The following RASEF variants were observed in gnomAD, a reference collection of about 807,000 sequenced individuals.
RASEF encodes the protein ras and EF-hand domain-containing protein.
A neutral mutation model predicts 90.1 loss-of-function variants in RASEF; 68 were observed. That is an observed-to-expected ratio of 0.75 (90% CI 0.62 to 0.92). RASEF has a LOEUF of 0.92. RASEF is among the 40% of genes least tolerant of loss of function. The pLI is 0.00. For synonymous variants in RASEF, 331 were observed against 345.2 expected, an observed-to-expected ratio of 0.96 and a Z score of 0.46; for missense variants, 949 against 937.2, an observed-to-expected ratio of 1.01 and a Z score of -0.16.
At chr9:83,131,058 T>C in the RASEF span, among the ~76,000 whole-genome samples, 888 of 152,246 alleles carry the variant, frequency 5.8e-3, 6 homozygotes, top group Middle Eastern at 0.054. Context: ...TAGTTCCTCA[T>C]GTGAAAAAAA....
At chr9:83,192,220 G>A in the RASEF span, among the ~76,000 whole-genome samples, 2 of 152,052 alleles carry the variant, frequency 1.3e-5, no homozygotes, top group Admixed American at 6.6e-5. Flanking sequence ...TACCCAAAGG[G>A]ATATAAATCA....
the RASEF span, among the ~76,000 whole-genome samples, chr9:83,113,408 T>C: frequency 6.6e-6 from 1 of 152,210 alleles, no homozygotes; most frequent in Non-Finnish European, 1.5e-5. Context: ...TTGAACAATA[T>C]GAAATCAGTG....
chr9:82,998,546 G>A, intron 12 of RASEF, 100 bp from the exon 13 acceptor site: 1 of 746,802 alleles, frequency 1.3e-6, no homozygotes, highest in South Asian at 1.5e-5. Context: ...ATAATACACA[G>A]CTCAGCCAGG....
the RASEF span, among the ~76,000 whole-genome samples, chr9:83,160,620 G>C: frequency 6.6e-6 from 1 of 152,178 alleles, no homozygotes. Context: ...ATGTTCTGAG[G>C]AAAAATTCAA....
the RASEF span, among the ~76,000 whole-genome samples, chr9:83,128,172 C>T: frequency 6.6e-6 from 1 of 151,766 alleles, no homozygotes; most frequent in African/African-American, 2.4e-5. Context: ...ATAATGATGG[C>T]TTCAATATTA....
At chr9:83,044,797 T>G (rs2118655522) in intron 1 of RASEF, among the ~76,000 whole-genome samples, 1 of 152,350 alleles carries the variant, frequency 6.6e-6, no homozygotes, top group African/African-American at 2.4e-5. Flanking sequence ...GTGAGTATGT[T>G]GCTGTGAAGG....
intron 16 of RASEF, among the ~76,000 whole-genome samples, chr9:82,988,130 C>T (rs1728268753): frequency 6.6e-6 from 1 of 152,242 alleles, no homozygotes; most frequent in South Asian, 2.1e-4. Flanking sequence ...AACACCAACA[C>T]AACCATTTGA....
At chr9:83,115,929 A>G in the RASEF span, among the ~76,000 whole-genome samples, 4 of 152,224 alleles carry the variant, frequency 2.6e-5, no homozygotes, top group African/African-American at 9.6e-5. Context: ...TGCATTAAAA[A>G]TAATTAAAAC....
At chr9:83,179,328 A>G in the RASEF span, among the ~76,000 whole-genome samples, 1 of 152,296 alleles carries the variant, frequency 6.6e-6, no homozygotes, top group African/African-American at 2.4e-5. Context: ...TTATATATAA[A>G]GCAAGGACTC....
the RASEF span, among the ~76,000 whole-genome samples, chr9:83,178,066 T>C: frequency 1.3e-5 from 2 of 152,272 alleles, no homozygotes; most frequent in South Asian, 4.2e-4. Context: ...TAAATGGTTG[T>C]TTTTTGTTGG....
chr9:83,161,629 T>C, the RASEF span, among the ~76,000 whole-genome samples: 1 of 151,878 alleles, frequency 6.6e-6, no homozygotes, highest in South Asian at 2.1e-4. Context: ...TGGGGGACTG[T>C]TGGGAAGGCA....
chr9:83,129,671 G>C, the RASEF span, among the ~76,000 whole-genome samples: 1 of 152,126 alleles, frequency 6.6e-6, no homozygotes, highest in Admixed American at 6.6e-5. Context: ...GAGAACATAA[G>C]GGATGAGGAA....
intron 7 of RASEF, 62 bp from the exon 8 acceptor site, chr9:83,005,562 A>T: frequency 8.2e-7 from 1 of 1,216,912 alleles, no homozygotes. Context: ...GGTCACTGTC[A>T]TCACTTTCTT....
chr9:83,006,923 C>A (rs1210076904), intron 7 of RASEF, among the ~76,000 whole-genome samples: 3 of 151,884 alleles, frequency 2.0e-5, no homozygotes, highest in Non-Finnish European at 2.9e-5. Context: ...AAAATGCCGT[C>A]TCTACTAAAA....
the RASEF span, among the ~76,000 whole-genome samples, chr9:83,069,099 A>C: frequency 6.6e-6 from 1 of 152,242 alleles, no homozygotes; most frequent in Non-Finnish European, 1.5e-5. Context: ...GATCCTACTT[A>C]AGTTTCTTCA....
At chr9:83,198,103 T>C in the RASEF span, among the ~76,000 whole-genome samples, 1 of 152,190 alleles carries the variant, frequency 6.6e-6, no homozygotes, top group Non-Finnish European at 1.5e-5. Flanking sequence ...ATGATTTTAT[T>C]CACTTCAGTT....
chr9:83,154,069 G>A, the RASEF span, among the ~76,000 whole-genome samples: 12 of 152,200 alleles, frequency 7.9e-5, no homozygotes, highest in South Asian at 4.1e-4. Flanking sequence ...TTGTCTGGGC[G>A]TTGGCAAATA....
the RASEF span, among the ~76,000 whole-genome samples, chr9:83,158,680 A>G: frequency 6.9e-6 from 1 of 145,266 alleles, no homozygotes; most frequent in Non-Finnish European, 1.5e-5. Flanking sequence ...ATATTTATGT[A>G]CATATACATA....
chr9:83,017,509 AAG>A (rs956723620), intron 3 of RASEF, among the ~76,000 whole-genome samples: 1 of 151,746 alleles, frequency 6.6e-6, no homozygotes, highest in African/African-American at 2.4e-5. Flanking sequence ...CAAAAAAAAA[AAG>A]AAGTACTTTA....
Sources: gnomAD v4.1 joint callset for allele counts (sites outside exome capture counted in the v4.1 genomes callset) on GRCh38, gnomAD v4.1.1 for gene constraint, MANE v1.5 for transcripts, NCBI Gene and HGNC (gene_info 2026-07-23, HGNC 2026-07-21) for gene names.